Variants in NPAS3 observed in about 807,000 individuals in gnomAD.
NPAS3 encodes the protein neuronal PAS domain-containing protein 3.
In NPAS3, 14 loss-of-function variants were observed where a neutral mutation model predicts 73.1. The ratio of observed to expected loss-of-function variants is 0.19; its 90% CI spans 0.13 to 0.30. The LOEUF (loss-of-function observed/expected upper bound fraction) is 0.30, where lower values mean the gene tolerates loss of function less well. NPAS3 is among the 10% of genes least tolerant of loss of function. NPAS3 has a pLI of 1.00. For synonymous variants in NPAS3, 620 were observed against 541.5 expected (o/e 1.14, Z -2.01); for missense variants, 1,096 against 1,250.0 (o/e 0.88, Z 1.86).
chr14:33,075,485 T>C (rs898300128), intron 2 of NPAS3, among the ~76,000 whole-genome samples: 2 of 152,268 alleles, frequency 1.3e-5, no homozygotes, highest in Admixed American at 6.5e-5. Flanking sequence ...GTTTTCTCTC[T>C]TATATTAACT....
At chr14:33,695,730 T>C (rs1430743504) in intron 6 of NPAS3, among the ~76,000 whole-genome samples, 1 of 152,206 alleles carries the variant, frequency 6.6e-6, no homozygotes, top group East Asian at 1.9e-4. Flanking sequence ...AGCTATAATT[T>C]GTTTTCTATT....
intron 2 of NPAS3, among the ~76,000 whole-genome samples, chr14:33,102,563 A>C (rs190047686): frequency 7.2e-4 from 109 of 152,290 alleles, no homozygotes; most frequent in African/African-American, 2.5e-3. Flanking sequence ...ATAAATGTTA[A>C]CTGTTTGTAT....
intron 1 of NPAS3, among the ~76,000 whole-genome samples, chr14:33,053,756 C>T (rs1274090876): frequency 6.6e-6 from 1 of 152,130 alleles, no homozygotes; most frequent in Non-Finnish European, 1.5e-5. Flanking sequence ...TACATCATAA[C>T]ATTTTCTGTC....
chr14:33,114,283 C>G (rs548500947), intron 2 of NPAS3, among the ~76,000 whole-genome samples: 3 of 152,144 alleles, frequency 2.0e-5, no homozygotes, highest in African/African-American at 7.2e-5. Flanking sequence ...GATCCACCCC[C>G]CTTTGGCCTC....
chr14:33,009,299 A>G (rs10483422), intron 1 of NPAS3, among the ~76,000 whole-genome samples: 13,400 of 152,226 alleles, frequency 0.088, 921 homozygotes, highest in African/African-American at 0.19. Flanking sequence ...GCAAGCATCC[A>G]GTAGTATGGA....
intron 4 of NPAS3, among the ~76,000 whole-genome samples, chr14:33,525,089 T>TAA (rs1265434064): frequency 6.6e-6 from 1 of 152,186 alleles, no homozygotes; most frequent in African/African-American, 2.4e-5. Context: ...TCTCAAGGCA[T>TAA]AGTAATTGGT....
At chr14:33,451,787 G>C (rs1025901678) in intron 4 of NPAS3, among the ~76,000 whole-genome samples, 1 of 152,002 alleles carries the variant, frequency 6.6e-6, no homozygotes, top group Non-Finnish European at 1.5e-5. Flanking sequence ...GTCTCCTTAA[G>C]GCTACTCAGA....
chr14:33,369,404 C>CAAAAAAAAACAAAAAA, intron 4 of NPAS3, among the ~76,000 whole-genome samples: 1 of 90,890 alleles, frequency 1.1e-5, no homozygotes, highest in African/African-American at 4.4e-5. Context: ...GCCTCATTTC[C>CAAAAAAAAACAAAAAA]AAAAAAAAAA....
chr14:33,784,955 G>A (rs911638303), intron 9 of NPAS3, among the ~76,000 whole-genome samples: 1 of 150,550 alleles, frequency 6.6e-6, no homozygotes, highest in African/African-American at 2.4e-5. Flanking sequence ...TCTCCATGTT[G>A]GTCAGGCTGG....
chr14:32,984,196 T>A (rs1157846449), intron 1 of NPAS3, among the ~76,000 whole-genome samples: 1 of 152,234 alleles, frequency 6.6e-6, no homozygotes, highest in African/African-American at 2.4e-5. Flanking sequence ...CCTGTTATAG[T>A]GCCTCAATCT....
chr14:33,486,293 G>C (rs947386971), intron 4 of NPAS3, among the ~76,000 whole-genome samples: 5 of 152,052 alleles, frequency 3.3e-5, no homozygotes, highest in Non-Finnish European at 5.9e-5. Flanking sequence ...TGTATAAATT[G>C]TTTCTTTCTC....
At chr14:33,603,555 T>C (rs2057464540) in intron 5 of NPAS3, among the ~76,000 whole-genome samples, 1 of 151,844 alleles carries the variant, frequency 6.6e-6, no homozygotes, top group Admixed American at 6.6e-5. Flanking sequence ...CAATCAGTAA[T>C]AAAGAGAAAG....
At chr14:32,962,084 T>C (rs914663885) in intron 1 of NPAS3, among the ~76,000 whole-genome samples, 1 of 152,194 alleles carries the variant, frequency 6.6e-6, no homozygotes, top group Non-Finnish European at 1.5e-5. Flanking sequence ...ACAAATATTT[T>C]GGTACAATGT....
chr14:33,243,611 G>A (rs531933358), intron 3 of NPAS3, among the ~76,000 whole-genome samples: 13 of 152,212 alleles, frequency 8.5e-5, no homozygotes, highest in African/African-American at 2.9e-4. Context: ...TGTGGGCTAA[G>A]AACTTGTCTG....
chr14:33,087,622 G>A (rs115638039), intron 2 of NPAS3, among the ~76,000 whole-genome samples: 2,152 of 152,218 alleles, frequency 0.014, 45 homozygotes, highest in African/African-American at 0.048. Flanking sequence ...TTACAAAAAA[G>A]TAGTATTATA....
chr14:33,501,905 A>G (rs1198682469), intron 4 of NPAS3, among the ~76,000 whole-genome samples: 1 of 151,968 alleles, frequency 6.6e-6, no homozygotes, highest in Non-Finnish European at 1.5e-5. Context: ...TCTGGAGCAC[A>G]TTTATACGTT....
At chr14:33,500,371 C>T (rs554423248) in intron 4 of NPAS3, among the ~76,000 whole-genome samples, 3 of 151,828 alleles carry the variant, frequency 2.0e-5, no homozygotes, top group Admixed American at 6.6e-5. Context: ...TTATATGCTC[C>T]GAGGAAAAGA....
At chr14:33,573,021 CAAAAAAAA>C (rs1172844613) in intron 5 of NPAS3, among the ~76,000 whole-genome samples, 1 of 61,594 alleles carries the variant, frequency 1.6e-5, no homozygotes, top group South Asian at 6.0e-4. Context: ...GACTTCTTCT[CAAAAAAAA>C]AAAAAAAAAA....
chr14:33,099,427 A>T (rs763784440), intron 2 of NPAS3, among the ~76,000 whole-genome samples: 22 of 152,178 alleles, frequency 1.4e-4, no homozygotes, highest in Admixed American at 1.2e-3. Context: ...GACTCTATGA[A>T]TCTCAGGTTC....
Sources: gnomAD v4.1 joint callset for allele counts (sites outside exome capture counted in the v4.1 genomes callset) on GRCh38, gnomAD v4.1.1 for gene constraint, MANE v1.5 for transcripts, NCBI Gene and HGNC (gene_info 2026-07-23, HGNC 2026-07-21) for gene names.